The following TPST2 variants were observed in gnomAD, a reference collection of about 807,000 sequenced individuals.
The protein encoded by TPST2 is protein-tyrosine sulfotransferase 2.
In TPST2, 16 loss-of-function variants were observed where a neutral mutation model predicts 27.8. The ratio of observed to expected loss-of-function variants is 0.58; its 90% CI spans 0.39 to 0.88. TPST2 has a LOEUF of 0.88. Ranked by LOEUF, TPST2 falls within the 40% of genes least tolerant of loss-of-function variation. The pLI, the probability that TPST2 is intolerant of heterozygous loss-of-function variation, is 0.00. For missense variants in TPST2, 464 were observed against 543.1 expected (o/e 0.85, Z 1.45); for synonymous variants, 229 against 231.7 (o/e 0.99, Z 0.10).
chr22:26,532,993 T>C (rs1292533288), intron 4 of TPST2, among the ~76,000 whole-genome samples: 2 of 152,064 alleles, frequency 1.3e-5, no homozygotes, highest in African/African-American at 4.8e-5. Context: ...GGGCACCAGA[T>C]AACATACAAG....
chr22:26,564,547 T>C (rs577261086), intron 1 of TPST2, among the ~76,000 whole-genome samples: 2 of 152,300 alleles, frequency 1.3e-5, no homozygotes, highest in East Asian at 1.9e-4. Flanking sequence ...CTCTCACCAG[T>C]TGCACATCTT....
intron 1 of TPST2, among the ~76,000 whole-genome samples, chr22:26,577,898 G>A (rs1338642749): frequency 6.6e-6 from 1 of 151,450 alleles, no homozygotes; most frequent in Non-Finnish European, 1.5e-5. Context: ...ACCTCAGGAG[G>A]AGGTCTAGAC....
intron 1 of TPST2, among the ~76,000 whole-genome samples, chr22:26,580,847 G>A (rs1378181243): frequency 1.3e-5 from 2 of 152,084 alleles, no homozygotes; most frequent in Non-Finnish European, 2.9e-5. Context: ...GTCATCAGAG[G>A]GTGGGGAGGA....
chr22:26,541,243 C>A lies in TPST2; in HGVS notation c.388G>T (p.Asp130Tyr). The A allele has an allele frequency of 6.5e-7, 1 of 1,549,688 alleles. No homozygotes were observed. The highest frequency in any genetic ancestry group is 8.7e-7 in the Non-Finnish European group (1 of 1,145,696). The change falls in exon 3 of 7, where the codon GAT becomes TAT. Residue 130 changes from aspartate (D) to tyrosine (Y), a missense_variant. Asp to Tyr is a radical substitution (Grantham distance 160, BLOSUM62 -3). Transcript: ENST00000338754. The surrounding 1 kb of genome is among the most constrained non-coding windows in gnomAD (Gnocchi z 5.9). ...TGCATGGCGGCGTCCAGCACCTCAT[C>A]CGTCACCCCCGCCTCATCCAGCCGC... ...KLRLDEAGVT[D>Y]EVLDAAMQAF...
intron 1 of TPST2, among the ~76,000 whole-genome samples, chr22:26,553,369 GTTTTTTT>G (rs34711379): frequency 1.9e-4 from 27 of 143,620 alleles, no homozygotes; most frequent in African/African-American, 6.9e-4. Context: ...ATGCCTGGCA[GTTTTTTT>G]TTTTTTTTTT....
At chr22:26,534,481 C>G (rs1602253929) in intron 4 of TPST2, among the ~76,000 whole-genome samples, 1 of 152,188 alleles carries the variant, frequency 6.6e-6, no homozygotes. Flanking sequence ...TGATGTTAAC[C>G]ACCAGTGCTC....
At chr22:26,553,065 A>C (rs1926573094) in intron 1 of TPST2, among the ~76,000 whole-genome samples, 1 of 147,844 alleles carries the variant, frequency 6.8e-6, no homozygotes, top group Non-Finnish European at 1.5e-5. Flanking sequence ...CATCTCAAAA[A>C]AAAAAAAAAA....
intron 1 of TPST2, among the ~76,000 whole-genome samples, 171 bp from the exon 2 acceptor site, chr22:26,544,846 A>G (rs1926035672): frequency 6.6e-6 from 1 of 152,200 alleles, no homozygotes; most frequent in South Asian, 2.1e-4. Flanking sequence ...CCACAGCTGG[A>G]GTCTCAACTT....
intron 1 of TPST2, among the ~76,000 whole-genome samples, chr22:26,583,490 C>T (rs568153020): frequency 1.4e-5 from 2 of 145,074 alleles, no homozygotes; most frequent in African/African-American, 5.1e-5. Context: ...GACAGGGTAT[C>T]AGGAGGCCTC....
rs184874286 is a variant in TPST2 at position 26,563,807 on chromosome 22, G to T, written c.-160-19132C>A. 2.2e-3 allele frequency among the ~76,000 whole-genome samples: 341 copies of T among 152,308 alleles called. 1 individual carries two copies. The highest frequency in any genetic ancestry group is 4.0e-3 in the Non-Finnish European group (269 of 68,030). On this transcript the variant is annotated intron_variant, in intron 1 of 6. Transcript: ENST00000338754. ...AAAGGTGCCCTAGGGCCTCACTAGG[G>T]TCTTGCAAGCAGTAAGGCCACCTGG...
intron 1 of TPST2, among the ~76,000 whole-genome samples, chr22:26,570,663 A>G (rs1927593935): frequency 6.6e-6 from 1 of 151,634 alleles, no homozygotes; most frequent in African/African-American, 2.4e-5. Context: ...TCACTTGGAC[A>G]CAGTTGCCCA....
chr22:26,538,785 T>C (rs918022354), intron 3 of TPST2, among the ~76,000 whole-genome samples: 5 of 152,222 alleles, frequency 3.3e-5, no homozygotes, highest in African/African-American at 9.6e-5. Context: ...ATCACACCAC[T>C]ACACTCCAGC....
intron 1 of TPST2, among the ~76,000 whole-genome samples, chr22:26,550,055 A>C (rs1349883322): frequency 6.6e-6 from 1 of 151,124 alleles, no homozygotes; most frequent in Non-Finnish European, 1.5e-5. Flanking sequence ...AAAAAACAAA[A>C]AAAACAAATG....
intron 5 of TPST2, among the ~76,000 whole-genome samples, chr22:26,531,970 C>T (rs1025685411): frequency 2.0e-5 from 3 of 152,124 alleles, no homozygotes; most frequent in Admixed American, 6.5e-5. Context: ...CCTGTCTCTA[C>T]AAAAAACACA....
At chr22:26,589,273 G>T (rs1928461104) in intron 1 of TPST2, among the ~76,000 whole-genome samples, 1 of 152,218 alleles carries the variant, frequency 6.6e-6, no homozygotes, top group African/African-American at 2.4e-5. Flanking sequence ...TCCTTCCCTA[G>T]GGAACGGGCC....
intron 1 of TPST2, among the ~76,000 whole-genome samples, chr22:26,583,838 C>T (rs754270027): frequency 8.0e-5 from 12 of 150,450 alleles, no homozygotes; most frequent in East Asian, 1.9e-4. Flanking sequence ...GAGACTTCGT[C>T]TCAAAAAAAA....
intron 5 of TPST2, among the ~76,000 whole-genome samples, chr22:26,530,739 G>T (rs565019691): frequency 3.3e-5 from 5 of 152,256 alleles, no homozygotes; most frequent in African/African-American, 1.2e-4. Context: ...GTCAGGAGCA[G>T]TGGCTCACGC....
chr22:26,573,456 C>T (rs1479002361), intron 1 of TPST2, among the ~76,000 whole-genome samples: 1 of 152,196 alleles, frequency 6.6e-6, no homozygotes, highest in Non-Finnish European at 1.5e-5. Context: ...TCTTTATTAA[C>T]ATGTCAGAAG....
At chr22:26,570,029 AAGAAAG>A (rs1927559923) in intron 1 of TPST2, among the ~76,000 whole-genome samples, 1 of 126,736 alleles carries the variant, frequency 7.9e-6, no homozygotes, top group African/African-American at 3.5e-5. Context: ...GAAAGAAAGA[AAGAAAG>A]AAAGAAAGAC....
Sources: gnomAD v4.1 joint callset for allele counts (sites outside exome capture counted in the v4.1 genomes callset) on GRCh38, gnomAD v4.1.1 for gene constraint, Gnocchi (gnomAD v3.1) non-coding constraint, MANE v1.5 for transcripts, NCBI Gene and HGNC (gene_info 2026-07-23, HGNC 2026-07-21) for gene names.